The following DTNBP1 variants were observed in gnomAD, a reference collection of about 807,000 sequenced individuals.
The protein encoded by DTNBP1 is dystrobrevin binding protein 1.
DTNBP1 carries 35 observed loss-of-function variants against 42.8 expected under a neutral mutation model. That is an observed-to-expected ratio of 0.82 (90% CI 0.63 to 1.09). The LOEUF (loss-of-function observed/expected upper bound fraction) is 1.09, where lower values mean the gene tolerates loss of function less well. DTNBP1 is among the 50% of genes least tolerant of loss of function. The pLI is 0.00. For missense variants in DTNBP1, 457 were observed against 424.2 expected (o/e 1.08, Z -0.68); for synonymous variants, 171 against 162.2 (o/e 1.05, Z -0.41).
At chr6:15,602,403 T>A (rs753056786) in intron 6 of DTNBP1, among the ~76,000 whole-genome samples, 12 of 152,156 alleles carry the variant, frequency 7.9e-5, no homozygotes, top group Admixed American at 2.6e-4. Flanking sequence ...CCTCTGCCTG[T>A]CCCAGCTCTC....
intron 3 of DTNBP1, among the ~76,000 whole-genome samples, chr6:15,649,810 T>G (rs1350485028): frequency 6.6e-5 from 10 of 152,066 alleles, no homozygotes; most frequent in Non-Finnish European, 1.5e-5. Flanking sequence ...CTATATTAAC[T>G]CCTAAAATGC....
At chr6:15,547,609 C>T (rs548340472) in intron 7 of DTNBP1, among the ~76,000 whole-genome samples, 21 of 152,298 alleles carry the variant, frequency 1.4e-4, no homozygotes, top group Non-Finnish European at 2.8e-4. Context: ...CCAGCAGCAA[C>T]CAAAATGCAT....
chr6:15,587,969 C>G lies in DTNBP1; in HGVS notation c.511+5090G>C, dbSNP rs747871808. Among the ~76,000 whole-genome samples, 32 of 152,108 alleles carry G rather than the reference C, an allele frequency of 2.1e-4. No homozygotes were observed. The highest frequency in any genetic ancestry group is 3.9e-4 in the Admixed American group (6 of 15,268). On this transcript the variant is annotated intron_variant, in intron 7 of 9. Coordinates refer to ENST00000344537, the MANE Select transcript of DTNBP1 (RefSeq NM_032122.5). The surrounding 1 kb of genome is among the most constrained non-coding windows in gnomAD (Gnocchi z 4.1). ...TTAAACACAAACTTGTCATACAATCCATATATTCTAGTCTTAGCTATATAC... is the reference window on the plus strand; with the variant it reads ...TTAAACACAAACTTGTCATACAATCGATATATTCTAGTCTTAGCTATATAC...
At chr6:15,538,254 G>T (rs1773358639) in intron 7 of DTNBP1, among the ~76,000 whole-genome samples, 1 of 152,148 alleles carries the variant, frequency 6.6e-6, no homozygotes, top group South Asian at 2.1e-4. Context: ...TTTGACACAG[G>T]GCCATTATCT....
intron 5 of DTNBP1, among the ~76,000 whole-genome samples, chr6:15,621,262 G>A (rs976213130): frequency 3.9e-5 from 6 of 152,222 alleles, no homozygotes; most frequent in African/African-American, 1.2e-4. Context: ...TGGAAAATGT[G>A]TATGTTCTTT....
chr6:15,648,525 C>G (rs1760810315), intron 3 of DTNBP1, among the ~76,000 whole-genome samples: 1 of 151,962 alleles, frequency 6.6e-6, no homozygotes, highest in Non-Finnish European at 1.5e-5. Context: ...AAAAAACTAT[C>G]AGGATAAAGG....
chr6:15,636,832 T>C (rs1760057167), intron 4 of DTNBP1, among the ~76,000 whole-genome samples: 1 of 152,206 alleles, frequency 6.6e-6, no homozygotes. Context: ...CCCTGTTCTG[T>C]TTTGTTGTGT....
At chr6:15,524,278 GCT>G (rs1491243425) in intron 9 of DTNBP1, 2 of 1,607,624 alleles carry the variant, frequency 1.2e-6, no homozygotes, top group South Asian at 2.2e-5. Context: ...AAACAAGAAA[GCT>G]CTCAACTCAC....
At chr6:15,574,739 T>C (rs528581991) in intron 7 of DTNBP1, among the ~76,000 whole-genome samples, 1 of 151,944 alleles carries the variant, frequency 6.6e-6, no homozygotes, top group South Asian at 2.1e-4. Flanking sequence ...AAAGGAAGAG[T>C]TTCTCTGGAA....
intron 6 of DTNBP1, among the ~76,000 whole-genome samples, chr6:15,598,965 A>G (rs1776618899): frequency 6.6e-6 from 1 of 152,202 alleles, no homozygotes; most frequent in South Asian, 2.1e-4. Flanking sequence ...CAAGATGATA[A>G]GATTCCAAAA....
intron 3 of DTNBP1, among the ~76,000 whole-genome samples, chr6:15,649,085 C>T (rs1449793471): frequency 6.6e-6 from 1 of 152,050 alleles, no homozygotes; most frequent in Non-Finnish European, 1.5e-5. Flanking sequence ...GATACAGTCA[C>T]TATGGAAAAC....
At chr6:15,582,370 C>T (rs1775879183) in intron 7 of DTNBP1, among the ~76,000 whole-genome samples, 1 of 152,172 alleles carries the variant, frequency 6.6e-6, no homozygotes, top group Non-Finnish European at 1.5e-5. Flanking sequence ...TCAATTTTCT[C>T]ATCTCACAGG....
chr6:15,593,090 A>G lies in DTNBP1; in HGVS notation c.489-9T>C. ...AGGTTTCAAGTTCCTTCCTGTAGGA[A>G]AAAAAAAAAAAAGACAAGACAATGC... On this transcript the variant is annotated splice_polypyrimidine_tract_variant and intron_variant, in intron 6 of 9. Transcript: ENST00000344537. 4 of 1,069,162 alleles carry G rather than the reference A, an allele frequency of 3.7e-6. No individual in the cohort carries two copies. Among genetic ancestry groups the G allele is most frequent in the Non-Finnish European group, 5.1e-6 (4 of 787,462 alleles). The allele number at this position is 1,069,162 out of a possible 1,614,324, so 66.2% of individuals were successfully genotyped here.
At chr6:15,571,357 CAATT>C (rs1775332514) in intron 7 of DTNBP1, among the ~76,000 whole-genome samples, 1 of 152,192 alleles carries the variant, frequency 6.6e-6, no homozygotes, top group Non-Finnish European at 1.5e-5. Flanking sequence ...CTGTCAATCT[CAATT>C]AAAAGACTGA....
At chr6:15,604,301 C>A (rs187912753) in intron 6 of DTNBP1, among the ~76,000 whole-genome samples, 2 of 152,184 alleles carry the variant, frequency 1.3e-5, no homozygotes, top group African/African-American at 2.4e-5. Flanking sequence ...TCATTGCCTG[C>A]GGAAAAGTTC....
At chr6:15,632,158 AG>A (rs1759733218) in intron 4 of DTNBP1, among the ~76,000 whole-genome samples, 1 of 151,970 alleles carries the variant, frequency 6.6e-6, no homozygotes, top group African/African-American at 2.4e-5. Context: ...ATTGGTTTAT[AG>A]GGGTTATTCA....
Position 15,533,904 on chromosome 6 carries a change from C to T in DTNBP1, c.512-509G>A, listed in dbSNP as rs189649349. Among the ~76,000 whole-genome samples, 74 of 152,320 alleles carry T rather than the reference C, an allele frequency of 4.9e-4. 1 individual carries two copies. The highest frequency in any genetic ancestry group is 4.3e-3 in the Admixed American group (66 of 15,304). ...CTGTCACTCAGCTCAGAGCCTGGCACACAGTAAGCTCTCAAGGTATGTTTG... is the reference window on the plus strand; with the variant it reads ...CTGTCACTCAGCTCAGAGCCTGGCATACAGTAAGCTCTCAAGGTATGTTTG... On this transcript the variant is annotated intron_variant, in intron 7 of 9. Coordinates refer to ENST00000344537, the MANE Select transcript of DTNBP1 (RefSeq NM_032122.5).
intron 8 of DTNBP1, 34 bp from the exon 9 acceptor site, chr6:15,524,703 G>A: frequency 1.2e-6 from 2 of 1,607,718 alleles, no homozygotes; most frequent in Non-Finnish European, 1.7e-6. Flanking sequence ...AGGACACGCT[G>A]TCTTTAATAT....
At chr6:15,527,197 A>G (rs1772466637) in intron 8 of DTNBP1, among the ~76,000 whole-genome samples, 1 of 152,246 alleles carries the variant, frequency 6.6e-6, no homozygotes, top group Non-Finnish European at 1.5e-5. Context: ...AAGATAATCT[A>G]AAACTTCTAT....
Sources: allele counts gnomAD v4.1 joint callset (sites outside exome capture counted in the v4.1 genomes callset), GRCh38; gene constraint gnomAD v4.1.1; non-coding constraint Gnocchi (gnomAD v3.1); transcripts MANE v1.5; gene names NCBI Gene and HGNC (gene_info 2026-07-23, HGNC 2026-07-21).